TLR10: variants seen among roughly 807,000 people sequenced by gnomAD.
The protein encoded by TLR10 is toll-like receptor 10.
For missense variants in TLR10, 929 were observed against 932.9 expected, an observed-to-expected ratio of 1.00 and a Z score of 0.05; for synonymous variants, 288 against 338.8, an observed-to-expected ratio of 0.85 and a Z score of 1.65.
At position 38,774,596 on chromosome 4, in the gene TLR10, G is replaced by A; in HGVS notation, c.995C>T (p.Thr332Ile). ...GTGTGGCATTTGTGCATTTGATATTGTCAGGTTTTCTATGTCCATTTTGGT... is the reference window on the plus strand; with the variant it reads ...GTGTGGCATTTGTGCATTTGATATTATCAGGTTTTCTATGTCCATTTTGGT... ...LLTKMDIENL[T>I]ISNAQMPHML... The change falls in exon 4 of 4, where the codon ACA becomes ATA. Residue 332 changes from threonine to isoleucine, a missense_variant. Coordinates refer to ENST00000308973, the MANE Select transcript of TLR10 (RefSeq NM_030956.4). The A allele has an allele frequency of 2.5e-6, 4 of 1,594,048 alleles. No homozygotes were observed. Among genetic ancestry groups the A allele is most frequent in the Non-Finnish European group, 3.4e-6 (4 of 1,173,614 alleles).
At chr4:38,777,017 C>T (rs1050917105) in intron 1 of TLR10, among the ~76,000 whole-genome samples, 5 of 152,054 alleles carry the variant, frequency 3.3e-5, no homozygotes, top group Non-Finnish European at 5.9e-5. Flanking sequence ...GGGAAAGACC[C>T]GCCCCCATGA....
Position 38,773,003 on chromosome 4 carries a change from G to T in TLR10, c.*152C>A. The T allele has an allele frequency of 1.5e-6, 1 of 679,758 alleles. No individual in the cohort carries two copies. Among genetic ancestry groups the T allele is most frequent in the Non-Finnish European group, 2.2e-6 (1 of 461,042 alleles). 42.1% of individuals were successfully genotyped at this position (679,758 alleles called of 1,614,324 possible). A position where few individuals can be genotyped will look rare whatever the true frequency, so the allele number is the denominator to read the frequency against. On this transcript the variant is annotated 3_prime_UTR_variant, in exon 4 of 4. Transcript: ENST00000308973. ...TAAACTTGTGAAGGTGTTTCTATAG[G>T]ATACATTCTTAGAAATCCTTCTAGA...
Position 38,776,323 on chromosome 4 carries a change from C to T in TLR10, c.-465G>A, listed in dbSNP as rs1242759974. The T allele has an allele frequency of 9.6e-6, 2 of 209,114 alleles. No individual in the cohort carries two copies. Among genetic ancestry groups the T allele is most frequent in the Non-Finnish European group, 1.0e-5 (1 of 97,676 alleles). The allele number at this position is 209,114 out of a possible 1,614,324, so 13.0% of individuals were successfully genotyped here. ...AAAGAAAGATCTAAATGTCTGAAAC[C>T]TGCCAGTGAATACCAAGCCACAATC... On this transcript the variant is annotated 5_prime_UTR_variant, in exon 2 of 4. Coordinates refer to ENST00000308973, the MANE Select transcript of TLR10 (RefSeq NM_030956.4).
chr4:38,777,943 T>C (rs1725158770), intron 1 of TLR10, among the ~76,000 whole-genome samples: 1 of 152,212 alleles, frequency 6.6e-6, no homozygotes, highest in African/African-American at 2.4e-5. Flanking sequence ...GCAATGCCAT[T>C]ACTGGGTATC....
intron 1 of TLR10, among the ~76,000 whole-genome samples, chr4:38,781,479 C>T (rs1420189906): frequency 6.6e-6 from 1 of 152,126 alleles, no homozygotes; most frequent in East Asian, 1.9e-4. Context: ...GGATTACAGG[C>T]ACCTGCCATC....
Position 38,775,151 on chromosome 4 carries a change from A to T in TLR10, c.440T>A (p.Leu147Gln), listed in dbSNP as rs1266496565. Residue 147 changes from leucine (L) to glutamine (Q), a missense_variant, in exon 4 of 4, where the codon CTA becomes CAA. Leu to Gln is a moderately radical substitution (Grantham distance 113, BLOSUM62 -2). Transcript: ENST00000308973. ...EAGNMSHLEI[L>Q]GLSGAKIQKS... ...TTGTATTTTTGCCCCACTCAAACCTAGGATTTCCAGGTGTGACATGTTGCC... is the reference window on the plus strand; with the variant it reads ...TTGTATTTTTGCCCCACTCAAACCTTGGATTTCCAGGTGTGACATGTTGCC... The T allele has an allele frequency of 1.4e-5, 23 of 1,613,768 alleles. No homozygotes were observed. The highest frequency in any genetic ancestry group is 1.9e-5 in the Non-Finnish European group (22 of 1,180,012).
In TLR10 at chr4:38,775,530, C is replaced by G; in HGVS notation, c.61G>C (p.Ala21Pro). 2 of 1,614,068 alleles carry G rather than the reference C, an allele frequency of 1.2e-6. No homozygotes were observed. The highest frequency in any genetic ancestry group is 2.2e-5 in the South Asian group (2 of 91,072). ...CSIVMTAEGD[A>P]PELPEERELM... Reference sequence around the variant, plus strand: ...TCCCTTTCTTCTGGCAGCTCTGGAGCATCACCCTCTGCTGTCATAACAATA... The same window carrying G: ...TCCCTTTCTTCTGGCAGCTCTGGAGGATCACCCTCTGCTGTCATAACAATA... The change falls in exon 4 of 4, where the codon GCT (alanine) becomes CCT (proline). Residue 21 changes from alanine (A) to proline (P), a missense_variant. By Grantham distance (27) the Ala-to-Pro change is conservative. Coordinates refer to ENST00000308973, the MANE Select transcript of TLR10 (RefSeq NM_030956.4).
chr4:38,782,344 T>C (rs1017144335), intron 1 of TLR10, among the ~76,000 whole-genome samples: 1 of 152,228 alleles, frequency 6.6e-6, no homozygotes, highest in Admixed American at 6.5e-5. Flanking sequence ...AATAGCTCAG[T>C]GTAGGTGGTC....
At chr4:38,778,924 A>G (rs1303269904) in intron 1 of TLR10, 1 of 152,210 alleles carries the variant, frequency 6.6e-6, no homozygotes, top group Non-Finnish European at 1.5e-5. Flanking sequence ...ATGGCAGGGT[A>G]ACAAAGGTGG....
chr4:38,782,668 A>G (rs530196922), intron 1 of TLR10, among the ~76,000 whole-genome samples: 1 of 152,362 alleles, frequency 6.6e-6, no homozygotes, highest in South Asian at 2.1e-4. Context: ...TCTGAATAGA[A>G]GAGCTGACCA....
chr4:38,779,187 A>C (rs995243726), intron 1 of TLR10: 8 of 152,354 alleles, frequency 5.3e-5, no homozygotes, highest in South Asian at 2.1e-4. Flanking sequence ...ACTCCCTTAC[A>C]ATGTAAACTT....
chr4:38,777,992 A>C lies in TLR10; in HGVS notation c.-568-1566T>G, dbSNP rs1162585649. 3.3e-5 allele frequency among the ~76,000 whole-genome samples: 5 copies of C among 152,370 alleles called. No homozygotes were observed. The South Asian group carries it at 6.2e-4, about 19-fold the overall frequency. On this transcript the variant is annotated intron_variant, in intron 1 of 3. Transcript: ENST00000308973. ...ATAAATCATTCTACTATAAAGATAC[A>C]TGCACACACGTGTTTATTGCAGCAC...
In TLR10 at chr4:38,775,245, G is replaced by A. The variant is rs554282936; in HGVS notation, c.346C>T (p.Leu116=). The change falls in exon 4 of 4, where the codon CTG becomes TTG. Residue 116 remains leucine, a synonymous_variant. Transcript: ENST00000308973. ...NRLKSVTWYL[L]AGLRYLDLSF... ...AGATCTAAATACCTGAGACCTGCCAGTAAATACCAAGTTACACTCTTCAGT... is the reference window on the plus strand; with the variant it reads ...AGATCTAAATACCTGAGACCTGCCAATAAATACCAAGTTACACTCTTCAGT... 5 of 1,613,410 alleles carry A rather than the reference G, an allele frequency of 3.1e-6. No individual in the cohort carries two copies. The South Asian group carries it at 4.4e-5, about 14-fold the overall frequency.
chr4:38,778,736 A>G (rs1725217269), intron 1 of TLR10, among the ~76,000 whole-genome samples: 1 of 152,110 alleles, frequency 6.6e-6, no homozygotes, highest in African/African-American at 2.4e-5. Flanking sequence ...ATTGACCCTC[A>G]ACCTCCCTCA....
Position 38,773,173 on chromosome 4 carries a change from C to A in TLR10, c.2418G>T (p.Met806Ile). ...TGGGATTTTATAGACAATCTGTTCT[C>A]ATCAGAGAGATTGTAGAACCTCGAG... ...EESRGSTISL[M>I]RTDCL is the part of the protein sequence containing the mutation. Residue 806 changes from methionine to isoleucine, a missense_variant, in exon 4 of 4, where the codon ATG becomes ATT. Met to Ile is a conservative substitution (Grantham distance 10, BLOSUM62 1). Transcript: ENST00000308973. 1 of 1,541,108 alleles carries A rather than the reference C, an allele frequency of 6.5e-7. No homozygotes were observed. The highest frequency in any genetic ancestry group is 1.3e-5 in the South Asian group (1 of 76,436).
At position 38,774,614 on chromosome 4, in the gene TLR10, AT is replaced by A; in HGVS notation, c.976del (p.Met326TrpfsTer3). The A allele has an allele frequency of 1.9e-6, 3 of 1,588,634 alleles. No homozygotes were observed. The highest frequency in any genetic ancestry group is 1.9e-5 in the Admixed American group (1 of 53,176). On this transcript the variant is annotated frameshift_variant, in exon 4 of 4. Transcript: ENST00000308973. LOFTEE classifies it low-confidence loss of function (END_TRUNC). ...TGATATTGTCAGGTTTTCTATGTCC[AT>A]TTTGGTCAAAAGCAAATAGATTTTA... ...QDKIYLLLTK[M>X]DIENLTISNA...
rs11096955 is a variant in TLR10, at chr4:38,774,486, T to G, written c.1105A>C (p.Ile369Leu). The change falls in exon 4 of 4, where the codon ATC becomes CTC. Residue 369 changes from isoleucine to leucine, a missense_variant. Coordinates refer to ENST00000308973, the MANE Select transcript of TLR10 (RefSeq NM_030956.4). Reference sequence around the variant, plus strand: ...AGAGTTTTCAAGTGAGGCAGTTGGATAGTTCTTTTAAACAACTCGTCTGTT... The same window carrying G: ...AGAGTTTTCAAGTGAGGCAGTTGGAGAGTTCTTTTAAACAACTCGTCTGTT... ...ILTDELFKRT[I>L]QLPHLKTLIL... 571,024 of 1,596,826 alleles carry G rather than the reference T, an allele frequency of 0.36. 109,548 individuals are homozygous for G. Among genetic ancestry groups the G allele is most frequent in the Middle Eastern group, 0.6 (3,570 of 5,952 alleles).
Position 38,775,441 on chromosome 4 carries a change from T to C in TLR10, c.150A>G (p.Thr50=). 3.7e-6 allele frequency: 6 copies of C among 1,614,152 alleles called. No homozygotes were observed. Among genetic ancestry groups the C allele is most frequent in the Non-Finnish European group, 5.1e-6 (6 of 1,180,014 alleles). The change falls in exon 4 of 4, where the codon ACA becomes ACG. Residue 50 remains threonine, a synonymous_variant. Transcript: ENST00000308973. ...RKVPADLTPA[T]TTLDLSYNLL... Reference sequence around the variant, plus strand: ...GGTTATAGGATAAATCCAGTGTCGTTGTGGCTGGGGTCAAGTCTGCGGGAA... The same window carrying C: ...GGTTATAGGATAAATCCAGTGTCGTCGTGGCTGGGGTCAAGTCTGCGGGAA...
At chr4:38,776,931 G>C (rs1333345012) in intron 1 of TLR10, among the ~76,000 whole-genome samples, 4 of 152,194 alleles carry the variant, frequency 2.6e-5, no homozygotes. Flanking sequence ...GCAGGCAAGA[G>C]AGCATGTGCA....
Sources: gnomAD v4.1 joint callset for allele counts (sites outside exome capture counted in the v4.1 genomes callset) on GRCh38, gnomAD v4.1.1 for gene constraint, MANE v1.5 for transcripts, NCBI Gene and HGNC (gene_info 2026-07-23, HGNC 2026-07-21) for gene names.